The following MAGI2 variants were observed in gnomAD, a reference collection of about 807,000 sequenced individuals.
MAGI2 encodes membrane-associated guanylate kinase, WW and PDZ domain-containing protein 2.
A neutral mutation model predicts 133.3 loss-of-function variants in MAGI2; 35 were observed. That is an observed-to-expected ratio of 0.26 (90% CI 0.20 to 0.35). MAGI2 has a LOEUF of 0.35. MAGI2 is among the 10% of genes least tolerant of loss of function. The pLI is 1.00. For missense variants in MAGI2, 1,636 were observed against 1,863.4 expected, an observed-to-expected ratio of 0.88 and a Z score of 2.25; for synonymous variants, 729 against 710.6, an observed-to-expected ratio of 1.03 and a Z score of -0.41.
chr7:79,366,677 A>C (rs1027215141), intron 1 of MAGI2, among the ~76,000 whole-genome samples: 2 of 152,208 alleles, frequency 1.3e-5, no homozygotes, highest in African/African-American at 4.8e-5. Flanking sequence ...CTGGCAAATT[A>C]AACAAGGGGT....
At chr7:78,239,095 A>G (rs542497677) in intron 10 of MAGI2, among the ~76,000 whole-genome samples, 1 of 152,070 alleles carries the variant, frequency 6.6e-6, no homozygotes, top group Admixed American at 6.6e-5. Flanking sequence ...TTCTACACAG[A>G]TGTCTTTCCC....
At chr7:78,044,902 C>G (rs1243361051) in intron 21 of MAGI2, among the ~76,000 whole-genome samples, 1 of 152,230 alleles carries the variant, frequency 6.6e-6, no homozygotes, top group Non-Finnish European at 1.5e-5. Context: ...GGTGCGGCGG[C>G]TCACACCTGT....
At chr7:78,730,614 C>T (rs888786134) in intron 2 of MAGI2, among the ~76,000 whole-genome samples, 1 of 152,058 alleles carries the variant, frequency 6.6e-6, no homozygotes, top group African/African-American at 2.4e-5. Flanking sequence ...CAAAGACATG[C>T]TAAGTTCAAT....
chr7:78,273,788 G>C (rs1189703679), intron 9 of MAGI2, among the ~76,000 whole-genome samples: 2 of 151,932 alleles, frequency 1.3e-5, no homozygotes, highest in African/African-American at 4.8e-5. Flanking sequence ...GCTCCATCAG[G>C]TCATTTATAT....
At position 78,058,478 on chromosome 7, in the gene MAGI2, C is replaced by CT. The variant is rs61113351; in HGVS notation, c.3706+20468dup. On this transcript the variant is annotated intron_variant, in intron 21 of 21. Coordinates refer to ENST00000354212, the MANE Select transcript of MAGI2 (RefSeq NM_012301.4). The stretch of plus-strand genomic sequence containing the variant: ...AATGTTCACATACATCTTAAAATTC[C>CT]TTTTTTTTTTTGAGACGGAGTTTCG... Among the ~76,000 whole-genome samples the CT allele has an allele frequency of 2.8e-4, 41 of 146,838 alleles. 1 individual carries two copies. The highest frequency in any genetic ancestry group is 3.1e-4 in the Non-Finnish European group (21 of 67,000).
chr7:79,401,115 A>G (rs1279418870), intron 1 of MAGI2, among the ~76,000 whole-genome samples: 1 of 152,224 alleles, frequency 6.6e-6, no homozygotes, highest in Non-Finnish European at 1.5e-5. Flanking sequence ...GTATTATGCC[A>G]TAACAAATAC....
intron 21 of MAGI2, among the ~76,000 whole-genome samples, chr7:78,051,425 T>C (rs78304760): frequency 0.017 from 2,534 of 152,328 alleles, 76 homozygotes; most frequent in African/African-American, 0.058. Flanking sequence ...ACTGTACATA[T>C]ACATAAATGT....
At chr7:78,866,389 C>T (rs1348377578) in intron 2 of MAGI2, among the ~76,000 whole-genome samples, 1 of 152,078 alleles carries the variant, frequency 6.6e-6, no homozygotes, top group African/African-American at 2.4e-5. Context: ...TCTAGCTTGT[C>T]CTGGACAAAT....
chr7:78,194,065 C>T (rs562395517), intron 12 of MAGI2, among the ~76,000 whole-genome samples: 2 of 152,268 alleles, frequency 1.3e-5, no homozygotes, highest in Non-Finnish European at 2.9e-5. Context: ...CAAAGGAAAT[C>T]AGCAGACCGT....
At chr7:78,838,237 C>A (rs1387663165) in intron 2 of MAGI2, among the ~76,000 whole-genome samples, 1 of 151,910 alleles carries the variant, frequency 6.6e-6, no homozygotes, top group South Asian at 2.1e-4. Flanking sequence ...ATGTTTTTTT[C>A]ATGAATGTAA....
intron 2 of MAGI2, among the ~76,000 whole-genome samples, chr7:78,648,064 G>A (rs1386675811): frequency 6.6e-6 from 1 of 152,116 alleles, no homozygotes; most frequent in African/African-American, 2.4e-5. Flanking sequence ...GTTGACATGT[G>A]CAGCAAACCA....
At chr7:78,892,098 G>C (rs1686852176) in intron 2 of MAGI2, among the ~76,000 whole-genome samples, 1 of 152,134 alleles carries the variant, frequency 6.6e-6, no homozygotes, top group South Asian at 2.1e-4. Flanking sequence ...GACAAACAGA[G>C]AGCCAAATCA....
intron 1 of MAGI2, among the ~76,000 whole-genome samples, chr7:79,328,188 C>G (rs1434709636): frequency 6.6e-6 from 1 of 152,094 alleles, no homozygotes; most frequent in Non-Finnish European, 1.5e-5. Context: ...TATTAATAAT[C>G]AAATAGATGC....
rs548198442 is a variant in MAGI2, at chr7:79,261,941, A to T, written c.301+191079T>A. Among the ~76,000 whole-genome samples the T allele has an allele frequency of 2.5e-4, 38 of 152,330 alleles. 1 individual carries two copies. In the South Asian group the frequency reaches 7.9e-3, roughly 32 times the overall value. On this transcript the variant is annotated intron_variant, in intron 1 of 21. Coordinates refer to ENST00000354212, the MANE Select transcript of MAGI2 (RefSeq NM_012301.4). ...TGCAAGTAACTTTGTTGTTCATTTC[A>T]GAAACTTCATGAAATTCCACTTCAA...
At chr7:79,312,222 A>G (rs1290825295) in intron 1 of MAGI2, among the ~76,000 whole-genome samples, 1 of 152,188 alleles carries the variant, frequency 6.6e-6, no homozygotes, top group African/African-American at 2.4e-5. Flanking sequence ...AATTCTAGTC[A>G]TGTCATGTCA....
chr7:78,798,549 T>C (rs1049369256), intron 2 of MAGI2, among the ~76,000 whole-genome samples: 4 of 152,152 alleles, frequency 2.6e-5, no homozygotes, highest in Non-Finnish European at 4.4e-5. Context: ...CTTGTTCTTT[T>C]ATTTATTTTG....
intron 2 of MAGI2, among the ~76,000 whole-genome samples, chr7:78,716,182 T>C (rs1037357718): frequency 6.6e-6 from 1 of 152,218 alleles, no homozygotes; most frequent in African/African-American, 2.4e-5. Context: ...AGCTCTGGTC[T>C]GCAGTTCTTT....
At chr7:78,600,949 T>G (rs192634171) in intron 3 of MAGI2, among the ~76,000 whole-genome samples, 31 of 152,294 alleles carry the variant, frequency 2.0e-4, no homozygotes, top group African/African-American at 7.2e-4. Context: ...ACAGGTGTAG[T>G]GGGACACTCT....
At position 78,302,895 on chromosome 7, in the gene MAGI2, T is replaced by A. The variant is rs191635601; in HGVS notation, c.1408+40883A>T. Among the ~76,000 whole-genome samples the A allele has an allele frequency of 2.2e-4, 34 of 152,254 alleles. No individual in the cohort carries two copies. The East Asian group carries it at 6.6e-3, about 29-fold the overall frequency. On this transcript the variant is annotated intron_variant, in intron 9 of 21. Transcript: ENST00000354212. ...TCTTTGAAATCTCCCTCTTAGCACA[T>A]CCATCTATTCCTTCAGGAACCAAGT...
Sources: allele counts gnomAD v4.1 joint callset (sites outside exome capture counted in the v4.1 genomes callset), GRCh38; gene constraint gnomAD v4.1.1; transcripts MANE v1.5; gene names NCBI Gene and HGNC (gene_info 2026-07-23, HGNC 2026-07-21).